Variants in HCRTR2 observed in about 807,000 individuals in gnomAD.
HCRTR2 encodes orexin receptor type 2.
Under a neutral mutation model 49.0 loss-of-function variants are expected in HCRTR2, and 22 were observed. The observed-to-expected ratio is 0.45, with a 90% CI of 0.32 to 0.64. HCRTR2 has a LOEUF of 0.64. HCRTR2 is among the 30% of genes least tolerant of loss of function. The pLI, the probability that HCRTR2 is intolerant of heterozygous loss-of-function variation, is 0.04. For synonymous variants in HCRTR2, 236 were observed against 205.3 expected, an observed-to-expected ratio of 1.15 and a Z score of -1.28; for missense variants, 491 against 559.4, an observed-to-expected ratio of 0.88 and a Z score of 1.23.
chr6:55,223,863 A>C (rs1459157967), intron 1 of HCRTR2, among the ~76,000 whole-genome samples: 3 of 152,216 alleles, frequency 2.0e-5, no homozygotes, highest in Non-Finnish European at 4.4e-5. Flanking sequence ...TATGGAGGAA[A>C]TTATTTATAT....
chr6:55,156,645 A>AG (rs1440845928), intron 1 of HCRTR2, among the ~76,000 whole-genome samples: 1 of 151,912 alleles, frequency 6.6e-6, no homozygotes, highest in Non-Finnish European at 1.5e-5. Flanking sequence ...TGATGCAAAA[A>AG]TTTTCAAAAA....
chr6:55,284,669 T>TAA (rs35242129), downstream of HCRTR2, among the ~76,000 whole-genome samples: 4 of 148,622 alleles, frequency 2.7e-5, 1 homozygote, highest in African/African-American at 9.9e-5. Context: ...GTCATCTTAT[T>TAA]AAAAAAAAAA....
At chr6:55,176,399 A>G (rs1765040222) in intron 1 of HCRTR2, among the ~76,000 whole-genome samples, 1 of 152,206 alleles carries the variant, frequency 6.6e-6, no homozygotes, top group African/African-American at 2.4e-5. Flanking sequence ...AATTCTGTTG[A>G]TAATAATCCT....
intron 1 of HCRTR2, among the ~76,000 whole-genome samples, chr6:55,224,601 C>A (rs527476958): frequency 1.3e-5 from 2 of 149,342 alleles, no homozygotes; most frequent in South Asian, 4.2e-4. Context: ...CCAGCCTGGG[C>A]TACAGAACGA....
chr6:55,134,176 T>C lies in HCRTR2; in HGVS notation c.-378+27631T>C, dbSNP rs572258828. On this transcript the variant is annotated intron_variant, in intron 1 of 7. Coordinates refer to the HCRTR2 transcript ENST00000615358. ...CTAGTGAATTTCATAAGTTGGGTGA[T>C]AGTCCTTTTAAGTTGAGGAGACTGA... 2.3e-4 allele frequency among the ~76,000 whole-genome samples: 35 copies of C among 151,956 alleles called. 1 individual carries two copies. In the South Asian group the frequency reaches 6.0e-3, roughly 26 times the overall value.
intron 1 of HCRTR2, among the ~76,000 whole-genome samples, chr6:55,159,365 A>T (rs1245142107): frequency 6.6e-6 from 1 of 152,208 alleles, no homozygotes; most frequent in Non-Finnish European, 1.5e-5. Flanking sequence ...AGGTAGATAA[A>T]TCCACAAAGA....
chr6:55,279,201 T>A, intron 5 of HCRTR2, among the ~76,000 whole-genome samples: 1 of 152,116 alleles, frequency 6.6e-6, no homozygotes, highest in Non-Finnish European at 1.5e-5. Flanking sequence ...CACATTTTTT[T>A]TCAAATGCTT....
At chr6:55,174,078 TG>T (rs956113111), upstream of HCRTR2, 21 of 187,928 alleles carry the variant, frequency 1.1e-4, no homozygotes, top group African/African-American at 5.0e-4. Flanking sequence ...GATGCATGTC[TG>T]TGCATGGTTT....
chr6:55,180,393 T>C (rs907509376), intron 1 of HCRTR2, among the ~76,000 whole-genome samples: 2 of 152,252 alleles, frequency 1.3e-5, no homozygotes, highest in Non-Finnish European at 2.9e-5. Flanking sequence ...AGATGTGCCC[T>C]CTAGACAATT....
At chr6:55,158,534 C>G (rs1764761394) in intron 1 of HCRTR2, among the ~76,000 whole-genome samples, 1 of 152,136 alleles carries the variant, frequency 6.6e-6, no homozygotes, top group African/African-American at 2.4e-5. Context: ...CCCATGGAGG[C>G]CAGTAAGCTA....
chr6:55,260,178 T>A (rs1488986966), intron 3 of HCRTR2, among the ~76,000 whole-genome samples: 1 of 152,068 alleles, frequency 6.6e-6, no homozygotes, highest in Non-Finnish European at 1.5e-5. Flanking sequence ...GTGGAAAAAA[T>A]TTACCTCTCA....
At chr6:55,271,985 C>T (rs987578789) in intron 4 of HCRTR2, among the ~76,000 whole-genome samples, 5 of 152,102 alleles carry the variant, frequency 3.3e-5, no homozygotes, top group African/African-American at 1.2e-4. Context: ...AGAATTACCA[C>T]ATTACCCACT....
At chr6:55,202,277 A>G (rs1259212491) in intron 1 of HCRTR2, among the ~76,000 whole-genome samples, 1 of 152,098 alleles carries the variant, frequency 6.6e-6, no homozygotes, top group Non-Finnish European at 1.5e-5. Flanking sequence ...TTCACCACCT[A>G]CTCTTGCTAA....
intron 1 of HCRTR2, among the ~76,000 whole-genome samples, chr6:55,169,286 G>A (rs1764917511): frequency 1.3e-5 from 2 of 151,792 alleles, no homozygotes; most frequent in South Asian, 2.1e-4. Context: ...TGCAGGACAG[G>A]AGGCAAGATG....
chr6:55,128,601 G>A (rs1764312925), intron 1 of HCRTR2, among the ~76,000 whole-genome samples: 1 of 152,138 alleles, frequency 6.6e-6, no homozygotes, highest in African/African-American at 2.4e-5. Context: ...ATTTATCTGA[G>A]CAGTGGCTTA....
Position 55,245,503 on chromosome 6 carries a change from A to ATATATATATATATC in HCRTR2, c.224-3133_224-3132insATATATATATCTAT, listed in dbSNP as rs1402605395. Among the ~76,000 whole-genome samples, 46 of 124,514 alleles carry ATATATATATATATC rather than the reference A, an allele frequency of 3.7e-4. 1 individual carries two copies. The highest frequency in any genetic ancestry group is 3.9e-4 in the Non-Finnish European group (23 of 59,616). The allele number at this position is 124,514 out of a possible 152,430, so 81.7% of individuals were successfully genotyped here. A position where few individuals can be genotyped will look rare whatever the true frequency, so the allele number is the denominator to read the frequency against. On this transcript the variant is annotated intron_variant, in intron 1 of 6. Transcript: ENST00000370862. ...TATATATATATATATATATATATAT[A>ATATATATATATATC]TATCTTCCCCAAAAGTGTGCCTTGG...
chr6:55,228,185 G>T (rs1039261718), intron 1 of HCRTR2, among the ~76,000 whole-genome samples: 3 of 151,706 alleles, frequency 2.0e-5, no homozygotes, highest in Non-Finnish European at 4.4e-5. Context: ...AGGACCAAGG[G>T]AAAAGAAGTC....
At chr6:55,112,483 A>G (rs527337592) in intron 1 of HCRTR2, among the ~76,000 whole-genome samples, 1 of 150,636 alleles carries the variant, frequency 6.6e-6, no homozygotes, top group East Asian at 2.0e-4. Context: ...AATCAGTAAC[A>G]CTGCTTTACA....
chr6:55,274,517 T>C (rs183229735), intron 4 of HCRTR2, among the ~76,000 whole-genome samples: 2 of 151,726 alleles, frequency 1.3e-5, no homozygotes, highest in African/African-American at 4.8e-5. Flanking sequence ...GTAGATTCTT[T>C]AGGATGATCT....
Sources: gnomAD v4.1 joint callset for allele counts (sites outside exome capture counted in the v4.1 genomes callset) on GRCh38, gnomAD v4.1.1 for gene constraint, MANE v1.5 for transcripts, NCBI Gene and HGNC (gene_info 2026-07-23, HGNC 2026-07-21) for gene names.